Variants in ZMAT2 observed in about 807,000 individuals in gnomAD.
The protein encoded by ZMAT2 is zinc finger matrin-type protein 2.
Under a neutral mutation model 27.5 loss-of-function variants are expected in ZMAT2, and 5 were observed. The ratio of observed to expected loss-of-function variants is 0.18; its 90% CI spans 0.10 to 0.38. The LOEUF is 0.38. Among genes scored for constraint, ZMAT2 ranks in the 10% least tolerant of loss-of-function variants. ZMAT2 has a pLI of 1.00. For missense variants in ZMAT2, 124 were observed against 243.9 expected, an observed-to-expected ratio of 0.51 and a Z score of 3.27; for synonymous variants, 76 against 78.6, an observed-to-expected ratio of 0.97 and a Z score of 0.17.
chr5:140,700,686 G>A, intron 1 of ZMAT2, 133 bp from the exon 2 acceptor site: 1 of 1,282,948 alleles, frequency 7.8e-7, no homozygotes, highest in Non-Finnish European at 1.1e-6. Flanking sequence ...GGCTACCTCA[G>A]TCTTCTCGTA....
At chr5:140,701,167 C>T (rs191488010) in intron 2 of ZMAT2, among the ~76,000 whole-genome samples, 4 of 152,152 alleles carry the variant, frequency 2.6e-5, no homozygotes, top group Non-Finnish European at 5.9e-5. Flanking sequence ...TAATGCTTTC[C>T]TGAAGTACAG....
At position 140,700,582 on chromosome 5, in the gene ZMAT2, C is replaced by T. The variant is rs149737350; in HGVS notation, c.18+104C>T. 6,660 of 1,584,492 alleles carry T rather than the reference C, an allele frequency of 4.2e-3. 42 individuals are homozygous for T. Among genetic ancestry groups the T allele is most frequent in the South Asian group, 0.019 (1,663 of 88,914 alleles). ...CCCGACTGGCTTCCCGATATCTCCT[C>T]GAGATCCCAGGGTTCAGGTTCAAGA... On this transcript the variant is annotated intron_variant, in intron 1 of 5. Coordinates refer to ENST00000274712, the MANE Select transcript of ZMAT2 (RefSeq NM_144723.3).
At position 140,704,455 on chromosome 5, in the gene ZMAT2, G is replaced by A; in HGVS notation, c.340G>A (p.Val114Met). 6.2e-7 allele frequency: 1 copy of A among 1,614,112 alleles called. No homozygotes were observed. The highest frequency in any genetic ancestry group is 8.5e-7 in the Non-Finnish European group (1 of 1,179,986). The change falls in exon 5 of 6, where the codon GTG becomes ATG. Residue 114 changes from valine to methionine, a missense_variant. By Grantham distance (21) the Val-to-Met change is conservative (BLOSUM62 1). Coordinates refer to ENST00000274712, the MANE Select transcript of ZMAT2 (RefSeq NM_144723.3). Reference sequence around the variant, plus strand: ...GAGAAACCTGGGCATGTCTATGCGTGTGGAACGTTCCACCCTGGATCAGGT... The same window carrying A: ...GAGAAACCTGGGCATGTCTATGCGTATGGAACGTTCCACCCTGGATCAGGT... The part of the protein sequence containing the change: ...HQRNLGMSMR[V>M]ERSTLDQVKK...
At chr5:140,705,324 T>C (rs1404925576) in intron 5 of ZMAT2, among the ~76,000 whole-genome samples, 1 of 152,006 alleles carries the variant, frequency 6.6e-6, no homozygotes, top group Non-Finnish European at 1.5e-5. Flanking sequence ...ATAATTTTTT[T>C]TTTTTTTTAA....
At chr5:140,704,159 G>A (rs17286731) in intron 4 of ZMAT2, among the ~76,000 whole-genome samples, 168 bp downstream of exon 4, 29,291 of 151,954 alleles carry the variant, frequency 0.19, 3,324 homozygotes, top group East Asian at 0.3. Flanking sequence ...GAACTCTCCA[G>A]TTGTTTCAGC....
chr5:140,705,706 G>A lies in ZMAT2; in HGVS notation c.550G>A (p.Ala184Thr). The A allele has an allele frequency of 6.2e-7, 1 of 1,614,164 alleles. No individual in the cohort carries two copies. Among genetic ancestry groups the A allele is most frequent in the Non-Finnish European group, 8.5e-7 (1 of 1,180,018 alleles). Reference protein sequence around the residue: ...DLTFEEDDEMAAVMGFSGFGS... With the variant: ...DLTFEEDDEMTAVMGFSGFGS... ...GACATTTGAGGAGGACGATGAGATG[G>A]CAGCTGTGATGGGCTTCTCTGGCTT... Residue 184 changes from alanine to threonine, a missense_variant, in exon 6 of 6, where the codon GCA becomes ACA. Ala to Thr is a moderately conservative substitution (Grantham distance 58). Around this residue, in one of 5 missense-constraint regions of ZMAT2, gnomAD observed 53 missense variants for 82.3 expected, o/e 0.64. Transcript: ENST00000274712.
At position 140,705,579 on chromosome 5, in the gene ZMAT2, G is replaced by A. The variant is rs572611594; in HGVS notation, c.457-34G>A. 22 of 1,585,868 alleles carry A rather than the reference G, an allele frequency of 1.4e-5. No homozygotes were observed. In the South Asian group the frequency reaches 2.2e-4, roughly 16 times the overall value. On this transcript the variant is annotated intron_variant, in intron 5 of 5. Transcript: ENST00000274712. ...GTTACAAACAACATTTGGCTGAGGA[G>A]TCTAAACTGATTCTGAGTGATTTTT...
At chr5:140,705,409 G>GT (rs977673321) in intron 5 of ZMAT2, among the ~76,000 whole-genome samples, 3 of 151,508 alleles carry the variant, frequency 2.0e-5, no homozygotes, top group African/African-American at 7.3e-5. Context: ...TCAAAATTCT[G>GT]TTTCTTCCAC....
intron 3 of ZMAT2, 145 bp downstream of exon 3, chr5:140,702,274 G>A: frequency 1.8e-6 from 2 of 1,137,518 alleles, no homozygotes; most frequent in Admixed American, 5.0e-5. Context: ...TTGTTTTTCT[G>A]TGTCTCCCAA....
intron 3 of ZMAT2, 49 bp from the exon 4 acceptor site, chr5:140,703,869 T>A (rs1760006710): frequency 1.3e-6 from 2 of 1,562,896 alleles, no homozygotes; most frequent in Admixed American, 1.7e-5. Context: ...TTGAAAATGA[T>A]AAGATCCTTA....
chr5:140,701,210 A>G (rs925490650), intron 2 of ZMAT2, among the ~76,000 whole-genome samples: 1 of 152,054 alleles, frequency 6.6e-6, no homozygotes, highest in African/African-American at 2.4e-5. Context: ...AGTGACAGAG[A>G]AGTTAAGTAG....
At chr5:140,700,778 C>T (rs1759945566) in intron 1 of ZMAT2, 41 bp from the exon 2 acceptor site, 7 of 1,607,148 alleles carry the variant, frequency 4.4e-6, no homozygotes, top group Non-Finnish European at 6.0e-6. Context: ...TCTAGGGGCC[C>T]AGACACGGCG....
At chr5:140,703,895 CAG>C (rs1162989051) in intron 3 of ZMAT2, 21 bp from the exon 4 acceptor site, 1 of 1,607,052 alleles carries the variant, frequency 6.2e-7, no homozygotes, top group Non-Finnish European at 8.5e-7. Flanking sequence ...ATATTTGACT[CAG>C]GTGCTGTTTC....
At chr5:140,704,735 G>T (rs1056625518) in intron 5 of ZMAT2, among the ~76,000 whole-genome samples, 164 bp downstream of exon 5, 6 of 146,036 alleles carry the variant, frequency 4.1e-5, no homozygotes, top group Non-Finnish European at 5.9e-5. Flanking sequence ...GGATTCTCAT[G>T]ATCTGAAGGA....
chr5:140,704,088 C>A, intron 4 of ZMAT2, 97 bp downstream of exon 4: 2 of 1,141,764 alleles, frequency 1.8e-6, no homozygotes, highest in Non-Finnish European at 2.6e-6. Context: ...TTTTACTCAT[C>A]AAAAGATGGC....
chr5:140,702,917 T>C (rs1475551917), intron 3 of ZMAT2, among the ~76,000 whole-genome samples: 2 of 152,246 alleles, frequency 1.3e-5, no homozygotes, highest in Non-Finnish European at 1.5e-5. Context: ...TCTGAGCTGC[T>C]TAGTAAACCC....
intron 3 of ZMAT2, among the ~76,000 whole-genome samples, chr5:140,702,796 A>C (rs974528873): frequency 5.9e-5 from 9 of 152,174 alleles, no homozygotes; most frequent in African/African-American, 2.2e-4. Context: ...ACTATAACCT[A>C]TAGGAAGAAG....
In ZMAT2 at chr5:140,702,080, G is replaced by A; in HGVS notation, c.187G>A (p.Gly63Arg). Residue 63 changes from glycine to arginine, a missense_variant, in exon 3 of 6, where the codon GGG becomes AGG. Transcript: ENST00000274712. ...DYKVDLESKL[G>R]KTIVITKTTP... The stretch of plus-strand genomic sequence containing the variant: ...CAAGGTGGACTTGGAATCCAAGCTT[G>A]GGAAGACAATTGTCATTACCAAGAC... 1 of 1,613,592 alleles carries A rather than the reference G, an allele frequency of 6.2e-7. No individual in the cohort carries two copies. The highest frequency in any genetic ancestry group is 8.5e-7 in the Non-Finnish European group (1 of 1,179,810).
intron 5 of ZMAT2, 109 bp downstream of exon 5, chr5:140,704,680 T>C (rs1760022962): frequency 1.7e-6 from 2 of 1,175,200 alleles, no homozygotes; most frequent in Admixed American, 2.7e-5. Context: ...GAGTTGTATC[T>C]CCTGAGTTCT....
Sources: allele counts gnomAD v4.1 joint callset (sites outside exome capture counted in the v4.1 genomes callset), GRCh38; gene constraint gnomAD v4.1.1; regional missense constraint gnomAD v4.1.1; transcripts MANE v1.5; gene names NCBI Gene and HGNC (gene_info 2026-07-23, HGNC 2026-07-21).